The following PCDH7 variants were observed in gnomAD, a reference collection of about 807,000 sequenced individuals.
The protein encoded by PCDH7 is protocadherin 7, also known as protocadherin-7.
Under a neutral mutation model 58.9 loss-of-function variants are expected in PCDH7, and 17 were observed. The ratio of observed to expected loss-of-function variants is 0.29; its 90% CI spans 0.20 to 0.43. PCDH7 has a LOEUF of 0.43. Among genes scored for constraint, PCDH7 ranks in the 20% least tolerant of loss-of-function variants. The pLI is 1.00. For missense variants in PCDH7, 1,274 were observed against 1,441.0 expected, an observed-to-expected ratio of 0.88 and a Z score of 1.88; for synonymous variants, 664 against 616.4, an observed-to-expected ratio of 1.08 and a Z score of -1.14.
intron 3 of PCDH7, among the ~76,000 whole-genome samples, chr4:30,986,605 C>A (rs1338788727): frequency 1.3e-5 from 2 of 151,778 alleles, no homozygotes; most frequent in African/African-American, 4.8e-5. Flanking sequence ...AATGGTTGAA[C>A]AATGACAAAG....
chr4:30,747,311 C>T (rs1377698816), intron 1 of PCDH7, among the ~76,000 whole-genome samples: 1 of 152,132 alleles, frequency 6.6e-6, no homozygotes, highest in Non-Finnish European at 1.5e-5. Flanking sequence ...TAATTTTATT[C>T]ATTTATTAGC....
intron 3 of PCDH7, among the ~76,000 whole-genome samples, chr4:31,109,356 A>T (rs1237100884): frequency 6.6e-6 from 1 of 152,224 alleles, no homozygotes; most frequent in Non-Finnish European, 1.5e-5. Flanking sequence ...ATCTTTAAGC[A>T]TATTTATTAA....
chr4:31,015,779 A>G (rs1651228037), intron 3 of PCDH7, among the ~76,000 whole-genome samples: 1 of 152,228 alleles, frequency 6.6e-6, no homozygotes, highest in Admixed American at 6.5e-5. Flanking sequence ...TGCACTTTCC[A>G]AACTACCCAG....
At chr4:30,745,768 T>A (rs962230131) in intron 1 of PCDH7, among the ~76,000 whole-genome samples, 7 of 151,928 alleles carry the variant, frequency 4.6e-5, no homozygotes, top group Non-Finnish European at 8.8e-5. Flanking sequence ...CTCAGTTTAT[T>A]TGTGTGTGTG....
intron 3 of PCDH7, among the ~76,000 whole-genome samples, chr4:31,047,563 A>G (rs1756387228): frequency 6.6e-6 from 1 of 152,008 alleles, no homozygotes; most frequent in Non-Finnish European, 1.5e-5. Context: ...CTCAAAATGC[A>G]CTCATTTGTA....
intron 1 of PCDH7, among the ~76,000 whole-genome samples, chr4:30,916,631 A>G (rs1477800846): frequency 6.6e-6 from 1 of 152,206 alleles, no homozygotes; most frequent in Non-Finnish European, 1.5e-5. Flanking sequence ...TGCAAAGTTC[A>G]GACACTGCAA....
chr4:31,123,608 G>T (rs1717937994), intron 3 of PCDH7, among the ~76,000 whole-genome samples: 2 of 152,196 alleles, frequency 1.3e-5, no homozygotes, highest in African/African-American at 4.8e-5. Flanking sequence ...GTTACAAACA[G>T]TGCTCTTTTA....
chr4:30,745,156 C>T (rs930540838), intron 1 of PCDH7, among the ~76,000 whole-genome samples: 1 of 152,130 alleles, frequency 6.6e-6, no homozygotes, highest in Non-Finnish European at 1.5e-5. Flanking sequence ...TTTACACCCT[C>T]CCATGGCAAC....
At chr4:31,087,349 A>T (rs1460031663) in intron 3 of PCDH7, among the ~76,000 whole-genome samples, 1 of 152,112 alleles carries the variant, frequency 6.6e-6, no homozygotes, top group East Asian at 1.9e-4. Flanking sequence ...GATATTCAGT[A>T]GGAAGATTTA....
At chr4:30,922,526 T>C (rs1208158993) in intron 2 of PCDH7, among the ~76,000 whole-genome samples, 1 of 152,118 alleles carries the variant, frequency 6.6e-6, no homozygotes, top group Non-Finnish European at 1.5e-5. Flanking sequence ...TAATTATATA[T>C]GACAAACACA....
intron 3 of PCDH7, among the ~76,000 whole-genome samples, chr4:30,979,083 T>C (rs1327286692): frequency 6.6e-6 from 1 of 151,680 alleles, no homozygotes; most frequent in Non-Finnish European, 1.5e-5. Flanking sequence ...TAAAAAAAAA[T>C]TGGGGGGCCG....
chr4:30,792,329 CAT>C lies in PCDH7; in HGVS notation c.70+67734_70+67735del, dbSNP rs559315638. On this transcript the variant is annotated intron_variant, in intron 1 of 3. Transcript: ENST00000509759. ...CCTCTGGTCTTGGAGTACATAGTAT[CAT>C]GTGTGAAAATATAAGAAAGTTATAT... Among the ~76,000 whole-genome samples, 121 of 152,160 alleles carry C rather than the reference CAT, an allele frequency of 8.0e-4. 2 individuals carry two copies. The highest frequency in any genetic ancestry group is 1.3e-3 in the Admixed American group (20 of 15,276).
intron 3 of PCDH7, among the ~76,000 whole-genome samples, chr4:31,073,881 A>T (rs1758759796): frequency 6.6e-6 from 1 of 152,150 alleles, no homozygotes. Flanking sequence ...CATGCCTTAC[A>T]AATATTTCCA....
chr4:31,062,785 C>T (rs1757789992), intron 3 of PCDH7, among the ~76,000 whole-genome samples: 1 of 151,730 alleles, frequency 6.6e-6, no homozygotes, highest in Non-Finnish European at 1.5e-5. Context: ...TTTTCTTGTA[C>T]ACTTTTGATT....
chr4:31,136,712 C>T (rs1459494927), intron 3 of PCDH7, among the ~76,000 whole-genome samples: 2 of 152,116 alleles, frequency 1.3e-5, no homozygotes, highest in Non-Finnish European at 2.9e-5. Context: ...CCGCCCTGAC[C>T]GTGAACTGTG....
intron 3 of PCDH7, among the ~76,000 whole-genome samples, chr4:31,102,515 G>A (rs565614508): frequency 7.2e-5 from 11 of 152,196 alleles, no homozygotes; most frequent in Middle Eastern, 3.4e-3. Flanking sequence ...TTGGGGTCAG[G>A]AGTTCGAGAC....
intron 1 of PCDH7, among the ~76,000 whole-genome samples, chr4:30,739,153 A>G (rs1455983601): frequency 6.9e-6 from 1 of 145,946 alleles, no homozygotes; most frequent in African/African-American, 2.5e-5. Flanking sequence ...TATATTTTAT[A>G]TATATATTAT....
intron 1 of PCDH7, among the ~76,000 whole-genome samples, chr4:30,869,753 C>T (rs759062354): frequency 4.6e-5 from 7 of 152,000 alleles, no homozygotes; most frequent in Non-Finnish European, 8.8e-5. Flanking sequence ...TATGTGTCCA[C>T]GTGTCTTTAT....
At chr4:31,079,539 A>G (rs1759325049) in intron 3 of PCDH7, among the ~76,000 whole-genome samples, 1 of 151,140 alleles carries the variant, frequency 6.6e-6, no homozygotes, top group African/African-American at 2.4e-5. Flanking sequence ...AGCACGTAAT[A>G]CCAAGTATAT....
Sources: allele counts gnomAD v4.1 joint callset (sites outside exome capture counted in the v4.1 genomes callset), GRCh38; gene constraint gnomAD v4.1.1; transcripts MANE v1.5; gene names NCBI Gene and HGNC (gene_info 2026-07-23, HGNC 2026-07-21).